Variants in C3orf49 observed in about 807,000 individuals in gnomAD.
C3orf49 encodes the protein putative uncharacterized protein C3orf49.
In C3orf49, 27 loss-of-function variants were observed where a neutral mutation model predicts 13.3. That is an observed-to-expected ratio of 2.02 (90% CI 1.49 to 2.79). The LOEUF is 2.79. C3orf49 is among the 30% of genes most tolerant of loss of function. The pLI is 0.00. For synonymous variants in C3orf49, 87 were observed against 47.6 expected (o/e 1.83, Z -3.40); for missense variants, 242 against 134.2 (o/e 1.80, Z -3.97).
chr3:63,826,367 C>A (rs1162971836), intron 2 of C3orf49, among the ~76,000 whole-genome samples: 1 of 151,992 alleles, frequency 6.6e-6, no homozygotes, highest in Non-Finnish European at 1.5e-5. Context: ...TTAGTCAGGG[C>A]AGTGGGAATG....
the C3orf49 span, among the ~76,000 whole-genome samples, chr3:63,793,902 T>G: frequency 6.6e-6 from 1 of 152,106 alleles, no homozygotes; most frequent in Non-Finnish European, 1.5e-5. Context: ...ACACCTGTAA[T>G]CCCAGCATTT....
At chr3:63,780,003 A>T in the C3orf49 span, 1 of 152,002 alleles carries the variant, frequency 6.6e-6, no homozygotes, top group Non-Finnish European at 1.5e-5. Flanking sequence ...TTGTTTTTTA[A>T]TTATACTTTA....
chr3:63,839,227 A>G (rs938723555), intron 5 of C3orf49, among the ~76,000 whole-genome samples: 2 of 152,188 alleles, frequency 1.3e-5, no homozygotes, highest in African/African-American at 4.8e-5. Flanking sequence ...GTGCGTGTGT[A>G]TCAGGTTGGT....
chr3:63,787,658 G>C, the C3orf49 span, among the ~76,000 whole-genome samples: 1 of 152,158 alleles, frequency 6.6e-6, no homozygotes, highest in South Asian at 2.1e-4. Context: ...CGAAATGAAA[G>C]TTTCCCCCGA....
At chr3:63,835,898 A>G (rs982687412) in intron 5 of C3orf49, among the ~76,000 whole-genome samples, 16 of 152,116 alleles carry the variant, frequency 1.1e-4, no homozygotes, top group Admixed American at 1.0e-3. Context: ...AGGGGGTTCT[A>G]ACTTTTATAA....
At chr3:63,797,696 T>A in the C3orf49 span, among the ~76,000 whole-genome samples, 1 of 152,166 alleles carries the variant, frequency 6.6e-6, no homozygotes, top group Non-Finnish European at 1.5e-5. Context: ...GATTTTGGAG[T>A]GGCAGTTTGC....
At chr3:63,804,118 G>C in the C3orf49 span, among the ~76,000 whole-genome samples, 1 of 152,084 alleles carries the variant, frequency 6.6e-6, no homozygotes, top group Non-Finnish European at 1.5e-5. Flanking sequence ...AGAGTGATGG[G>C]GAACAGCTGT....
chr3:63,839,342 T>C (rs948818353), intron 5 of C3orf49, among the ~76,000 whole-genome samples: 3 of 152,240 alleles, frequency 2.0e-5, no homozygotes, highest in Non-Finnish European at 4.4e-5. Context: ...CAGCAGCCTT[T>C]TATTAGCAAA....
the C3orf49 span, among the ~76,000 whole-genome samples, chr3:63,790,248 G>A: frequency 1.1e-3 from 172 of 152,304 alleles, no homozygotes; most frequent in African/African-American, 4.0e-3. Flanking sequence ...TTACCCAGGT[G>A]TTTACTGTTT....
At chr3:63,842,301 G>C (rs1701779235) in intron 5 of C3orf49, among the ~76,000 whole-genome samples, 1 of 152,082 alleles carries the variant, frequency 6.6e-6, no homozygotes, top group Admixed American at 6.6e-5. Context: ...TTATCAAAAA[G>C]ACAAACAATA....
At chr3:63,811,442 C>T in the C3orf49 span, among the ~76,000 whole-genome samples, 1 of 152,066 alleles carries the variant, frequency 6.6e-6, no homozygotes, top group African/African-American at 2.4e-5. Flanking sequence ...CCTGTAATCC[C>T]AGCTACTCCG....
the C3orf49 span, among the ~76,000 whole-genome samples, chr3:63,790,598 CT>C: frequency 0.26 from 35,656 of 137,414 alleles, 4,184 homozygotes; most frequent in South Asian, 0.3. Flanking sequence ...ACATCTACCT[CT>C]TTTTTTTTTT....
At chr3:63,823,901 A>G (rs1446986449) in intron 2 of C3orf49, among the ~76,000 whole-genome samples, 1 of 151,722 alleles carries the variant, frequency 6.6e-6, no homozygotes, top group Non-Finnish European at 1.5e-5. Context: ...TCCGGGTTCA[A>G]GCAATTTTCC....
chr3:63,842,540 C>G (rs1386039663), intron 5 of C3orf49, among the ~76,000 whole-genome samples: 1 of 152,168 alleles, frequency 6.6e-6, no homozygotes, highest in African/African-American at 2.4e-5. Context: ...GAAATAGTGT[C>G]TTCTGCAGCA....
At chr3:63,801,693 A>G in the C3orf49 span, among the ~76,000 whole-genome samples, 1 of 152,206 alleles carries the variant, frequency 6.6e-6, no homozygotes, top group African/African-American at 2.4e-5. Flanking sequence ...TCAGCCATTT[A>G]TCATTTCTAT....
At chr3:63,815,009 C>T (rs576604442), upstream of C3orf49, among the ~76,000 whole-genome samples, 4 of 152,174 alleles carry the variant, frequency 2.6e-5, no homozygotes, top group Admixed American at 6.5e-5. Flanking sequence ...CACATCACTA[C>T]GTGAAAGCAG....
At chr3:63,801,079 C>A in the C3orf49 span, among the ~76,000 whole-genome samples, 84 of 152,030 alleles carry the variant, frequency 5.5e-4, no homozygotes, top group African/African-American at 2.0e-3. Flanking sequence ...AGTTTACCGT[C>A]TGCCCTGGGG....
chr3:63,816,064 A>G (rs539479058), upstream of C3orf49, among the ~76,000 whole-genome samples: 6 of 150,656 alleles, frequency 4.0e-5, no homozygotes, highest in South Asian at 1.0e-3. Context: ...GATTACAGGC[A>G]TGAGCCACCA....
chr3:63,838,660 T>C (rs1274434214), intron 5 of C3orf49, among the ~76,000 whole-genome samples: 1 of 152,254 alleles, frequency 6.6e-6, no homozygotes, highest in Non-Finnish European at 1.5e-5. Context: ...GTTTTCTTTT[T>C]ATCAAATGTA....
Sources: gnomAD v4.1 joint callset for allele counts (sites outside exome capture counted in the v4.1 genomes callset) on GRCh38, gnomAD v4.1.1 for gene constraint, MANE v1.5 for transcripts, NCBI Gene and HGNC (gene_info 2026-07-23, HGNC 2026-07-21) for gene names.